CDH10: variants seen among roughly 807,000 people sequenced by gnomAD.
CDH10 encodes the protein cadherin-10.
A neutral mutation model predicts 73.1 loss-of-function variants in CDH10; 30 were observed. That is an observed-to-expected ratio of 0.41 (90% CI 0.31 to 0.56). The LOEUF is 0.56. Ranked by LOEUF, CDH10 falls within the 20% of genes least tolerant of loss-of-function variation. The pLI is 0.27. For missense variants in CDH10, 815 were observed against 973.7 expected (o/e 0.84, Z 2.17); for synonymous variants, 345 against 348.2 (o/e 0.99, Z 0.10).
chr5:24,585,586 C>G (rs1451746339), intron 2 of CDH10, among the ~76,000 whole-genome samples: 1 of 152,080 alleles, frequency 6.6e-6, no homozygotes, highest in Non-Finnish European at 1.5e-5. Context: ...CCACGCCCAG[C>G]TAATTTTTTG....
At chr5:24,489,605 G>T (rs748046488) in intron 11 of CDH10, among the ~76,000 whole-genome samples, 1 of 151,946 alleles carries the variant, frequency 6.6e-6, no homozygotes, top group African/African-American at 2.4e-5. Context: ...ATTACAATTC[G>T]CTCCAAGTCC....
intron 8 of CDH10, among the ~76,000 whole-genome samples, chr5:24,503,249 G>C (rs1434385019): frequency 6.6e-6 from 1 of 152,118 alleles, no homozygotes; most frequent in African/African-American, 2.4e-5. Context: ...ATTCAGCTTA[G>C]TATTACAGAT....
chr5:24,571,475 G>A (rs1745378485), intron 2 of CDH10, among the ~76,000 whole-genome samples: 1 of 152,102 alleles, frequency 6.6e-6, no homozygotes, highest in Non-Finnish European at 1.5e-5. Flanking sequence ...CAGATGCCAG[G>A]AAAGCATTAT....
chr5:24,571,684 A>C (rs999089690), intron 2 of CDH10, among the ~76,000 whole-genome samples: 1 of 149,680 alleles, frequency 6.7e-6, no homozygotes, highest in Non-Finnish European at 1.5e-5. Flanking sequence ...ATTACATTCA[A>C]TTCTATAATA....
chr5:24,496,550 G>C (rs1579717507), intron 9 of CDH10, among the ~76,000 whole-genome samples: 1 of 152,134 alleles, frequency 6.6e-6, no homozygotes, highest in East Asian at 1.9e-4. Flanking sequence ...GCAGGGAATG[G>C]TCATTAGTTT....
intron 1 of CDH10, among the ~76,000 whole-genome samples, chr5:24,596,211 AT>A (rs1450199192): frequency 6.6e-6 from 1 of 151,956 alleles, no homozygotes; most frequent in African/African-American, 2.4e-5. Flanking sequence ...ATTTCAAAAC[AT>A]TGTGACTTTA....
At chr5:24,489,846 G>T (rs1419385936) in intron 11 of CDH10, among the ~76,000 whole-genome samples, 1 of 151,960 alleles carries the variant, frequency 6.6e-6, no homozygotes, top group Non-Finnish European at 1.5e-5. Context: ...AAGATAGTGA[G>T]GCCTCCATCC....
intron 1 of CDH10, among the ~76,000 whole-genome samples, chr5:24,613,871 G>A (rs1747039074): frequency 6.6e-6 from 1 of 152,038 alleles, no homozygotes; most frequent in Admixed American, 6.6e-5. Context: ...AATATTCTAT[G>A]TTCTATGTAT....
intron 2 of CDH10, among the ~76,000 whole-genome samples, chr5:24,587,902 A>C (rs1435702889): frequency 1.3e-5 from 2 of 152,206 alleles, no homozygotes; most frequent in Non-Finnish European, 2.9e-5. Flanking sequence ...TAGCTAAAAT[A>C]TTATTGTATT....
At chr5:24,541,200 C>G (rs187114820) in intron 2 of CDH10, among the ~76,000 whole-genome samples, 4 of 152,112 alleles carry the variant, frequency 2.6e-5, no homozygotes, top group African/African-American at 9.6e-5. Context: ...GATTTCCTAA[C>G]AGTTACAGAA....
chr5:24,510,262 T>C (rs1406874933), intron 6 of CDH10, among the ~76,000 whole-genome samples: 1 of 152,180 alleles, frequency 6.6e-6, no homozygotes, highest in Non-Finnish European at 1.5e-5. Flanking sequence ...CTTATGATAT[T>C]ATAAAAACAT....
intron 2 of CDH10, among the ~76,000 whole-genome samples, chr5:24,547,901 G>C (rs1744400590): frequency 1.3e-5 from 2 of 152,174 alleles, no homozygotes; most frequent in South Asian, 4.1e-4. Flanking sequence ...TCAAGCTTAA[G>C]TGGCAAAACA....
In CDH10 at chr5:24,537,635, A is replaced by C; in HGVS notation, c.271T>G (p.Tyr91Asp). ...DQDKGDGSLK[Y>D]ILSGDGAGTL... ...CCAGCTCCATCTCCAGATAAGATAT[A>C]TTTGAGTGATCCATCTCCTTTATCT... The change falls in exon 3 of 12, where the codon TAT (tyrosine) becomes GAT (aspartate). Residue 91 changes from tyrosine (Y) to aspartate (D), a missense_variant. This residue lies in a region of CDH10 where 516 missense variants were observed against 636.6 expected (regional missense o/e 0.81). Coordinates refer to ENST00000264463, the MANE Select transcript of CDH10 (RefSeq NM_006727.5). 1 of 1,603,904 alleles carries C rather than the reference A, an allele frequency of 6.2e-7. No individual in the cohort carries two copies.
intron 2 of CDH10, among the ~76,000 whole-genome samples, chr5:24,540,144 C>T (rs1224709585): frequency 6.6e-6 from 1 of 151,814 alleles, no homozygotes; most frequent in Non-Finnish European, 1.5e-5. Flanking sequence ...ACAAGACAGC[C>T]CCTAAAAAAG....
At chr5:24,574,244 C>T (rs899936069) in intron 2 of CDH10, among the ~76,000 whole-genome samples, 1 of 152,124 alleles carries the variant, frequency 6.6e-6, no homozygotes. Context: ...CAAGCCACTA[C>T]ATAAATAACA....
intron 10 of CDH10, 102 bp downstream of exon 10, chr5:24,492,715 C>T: frequency 1.6e-6 from 1 of 623,550 alleles, no homozygotes. Flanking sequence ...TTGTATAACT[C>T]AGATCAATAA....
At chr5:24,533,562 T>G (rs1269007438) in intron 5 of CDH10, among the ~76,000 whole-genome samples, 1 of 152,070 alleles carries the variant, frequency 6.6e-6, no homozygotes, top group African/African-American at 2.4e-5. Flanking sequence ...ACTGATAAAA[T>G]ACTTTTTTTC....
chr5:24,632,195 A>G (rs1322200199), intron 1 of CDH10, among the ~76,000 whole-genome samples: 1 of 152,070 alleles, frequency 6.6e-6, no homozygotes, highest in Non-Finnish European at 1.5e-5. Context: ...AGGTGCTTTC[A>G]TATGCTTCTT....
chr5:24,535,000 T>C (rs1743893612), intron 5 of CDH10, 112 bp downstream of exon 5: 2 of 949,564 alleles, frequency 2.1e-6, no homozygotes, highest in Middle Eastern at 2.5e-4. Flanking sequence ...ATTTTCAATA[T>C]GTTTTAAATT....
Sources: allele counts gnomAD v4.1 joint callset (sites outside exome capture counted in the v4.1 genomes callset), GRCh38; gene constraint gnomAD v4.1.1; regional missense constraint gnomAD v4.1.1; transcripts MANE v1.5; gene names NCBI Gene and HGNC (gene_info 2026-07-23, HGNC 2026-07-21).